Variants in FOXP4 observed in about 807,000 individuals in gnomAD.
The protein encoded by FOXP4 is forkhead box protein P4.
A neutral mutation model predicts 82.6 loss-of-function variants in FOXP4; 25 were observed. The ratio of observed to expected loss-of-function variants is 0.30; its 90% CI spans 0.22 to 0.42. The LOEUF (loss-of-function observed/expected upper bound fraction) is 0.42. FOXP4 is among the 10% of genes least tolerant of loss of function. FOXP4 has a pLI of 1.00. For missense variants in FOXP4, 785 were observed against 900.9 expected, an observed-to-expected ratio of 0.87 and a Z score of 1.65; for synonymous variants, 415 against 388.2, an observed-to-expected ratio of 1.07 and a Z score of -0.81.
chr6:41,570,314 G>A (rs1221276124), intron 2 of FOXP4: 1 of 471,160 alleles, frequency 2.1e-6, no homozygotes, highest in African/African-American at 2.0e-5. Context: ...CTCCAGAGGG[G>A]AGGCTTACGG....
chr6:41,597,769 G>C lies in FOXP4; in HGVS notation c.1726-12G>C, dbSNP rs757995132. ...GGAGCCACTGACGAGGCCCAACCCTGTGCCCCTGCAGGCCGCCCTGGCCGA... is the reference window on the plus strand; with the variant it reads ...GGAGCCACTGACGAGGCCCAACCCTCTGCCCCTGCAGGCCGCCCTGGCCGA... On this transcript the variant is annotated splice_polypyrimidine_tract_variant and intron_variant, in intron 15 of 16. Coordinates refer to ENST00000307972, the MANE Select transcript of FOXP4 (RefSeq NM_001012426.2). 3 of 1,604,720 alleles carry C rather than the reference G, an allele frequency of 1.9e-6. No homozygotes were observed. The highest frequency in any genetic ancestry group is 1.7e-6 in the Non-Finnish European group (2 of 1,178,842).
chr6:41,549,662 A>C (rs1019615600), intron 1 of FOXP4, among the ~76,000 whole-genome samples: 3 of 147,212 alleles, frequency 2.0e-5, no homozygotes, highest in Non-Finnish European at 3.0e-5. Context: ...GGGGTACCCA[A>C]GCAGTGAAGG....
intron 2 of FOXP4, among the ~76,000 whole-genome samples, chr6:41,575,159 G>C (rs554612559): frequency 6.6e-6 from 1 of 152,012 alleles, no homozygotes; most frequent in Non-Finnish European, 1.5e-5. Flanking sequence ...TAGTAGAGAC[G>C]GGGTTTCACC....
chr6:41,557,749 G>C (rs1013038155), intron 1 of FOXP4, among the ~76,000 whole-genome samples: 1 of 152,190 alleles, frequency 6.6e-6, no homozygotes, highest in Admixed American at 6.5e-5. Context: ...CAAAGGGCTA[G>C]ATCTCTGTAG....
chr6:41,597,107 A>C (rs1766888525), intron 14 of FOXP4, 69 bp from the exon 15 acceptor site: 1 of 1,513,342 alleles, frequency 6.6e-7, no homozygotes, highest in African/African-American at 1.4e-5. Context: ...TTACTTAGTG[A>C]GAGTAAAGAG....
At chr6:41,586,300 C>T (rs1766115138) in intron 5 of FOXP4, among the ~76,000 whole-genome samples, 1 of 152,102 alleles carries the variant, frequency 6.6e-6, no homozygotes, top group African/African-American at 2.4e-5. Flanking sequence ...CCACCCCCAG[C>T]AGGCAGGCAG....
intron 2 of FOXP4, among the ~76,000 whole-genome samples, 192 bp downstream of exon 2, chr6:41,566,156 C>T (rs1356332418): frequency 2.0e-5 from 3 of 152,200 alleles, no homozygotes; most frequent in Non-Finnish European, 2.9e-5. Flanking sequence ...TAGGCTACCA[C>T]AGCATTTTCA....
intron 1 of FOXP4, chr6:41,547,628 C>T (rs1194062288): frequency 1.3e-5 from 2 of 152,446 alleles, no homozygotes; most frequent in Non-Finnish European, 2.9e-5. Context: ...ATTTGTGCGC[C>T]GGAGGTGGAG....
chr6:41,570,964 C>G (rs1388475223), intron 2 of FOXP4, among the ~76,000 whole-genome samples: 1 of 152,134 alleles, frequency 6.6e-6, no homozygotes, highest in Non-Finnish European at 1.5e-5. Flanking sequence ...CACCACTGCC[C>G]CCACTCCAAC....
At chr6:41,573,421 T>G (rs1765308278) in intron 2 of FOXP4, among the ~76,000 whole-genome samples, 1 of 152,144 alleles carries the variant, frequency 6.6e-6, no homozygotes, top group African/African-American at 2.4e-5. Flanking sequence ...CTGGATGCCA[T>G]CCGTTATAAG....
At chr6:41,548,824 CTTT>C (rs11326650) in intron 1 of FOXP4, among the ~76,000 whole-genome samples, 7,220 of 106,028 alleles carry the variant, frequency 0.068, 243 homozygotes, top group African/African-American at 0.11. Flanking sequence ...GTCTGAAGGC[CTTT>C]TTTTTTTTTT....
chr6:41,588,420 A>G (rs1459918177), intron 8 of FOXP4, among the ~76,000 whole-genome samples: 1 of 152,226 alleles, frequency 6.6e-6, no homozygotes, highest in Admixed American at 6.5e-5. Flanking sequence ...TTCATTTGCA[A>G]TTAGATCTCT....
At chr6:41,598,765 G>A (rs1373321216) in intron 16 of FOXP4, 24 bp from the exon 17 acceptor site, 1 of 1,550,948 alleles carries the variant, frequency 6.4e-7, no homozygotes, top group Non-Finnish European at 8.7e-7. Flanking sequence ...GCCGCCTGGT[G>A]CCCATGCCAT....
intron 2 of FOXP4, 90 bp from the exon 3 acceptor site, chr6:41,577,896 T>A: frequency 1.1e-6 from 1 of 894,846 alleles, no homozygotes; most frequent in Non-Finnish European, 1.8e-6. Context: ...CTTACCCTGA[T>A]CTCCTTCTCC....
At chr6:41,578,368 G>A (rs1342511423) in intron 3 of FOXP4, among the ~76,000 whole-genome samples, 1 of 152,080 alleles carries the variant, frequency 6.6e-6, no homozygotes, top group African/African-American at 2.4e-5. Flanking sequence ...CTCACTGTTT[G>A]TTCTCCCCTG....
At chr6:41,551,099 C>T (rs1029515228) in intron 1 of FOXP4, among the ~76,000 whole-genome samples, 2 of 152,210 alleles carry the variant, frequency 1.3e-5, no homozygotes, top group African/African-American at 4.8e-5. Context: ...GGGATCACAG[C>T]GGGAACCCTC....
At chr6:41,554,725 T>C (rs568970332) in intron 1 of FOXP4, among the ~76,000 whole-genome samples, 35 of 152,214 alleles carry the variant, frequency 2.3e-4, no homozygotes, top group Admixed American at 3.3e-4. Context: ...CCGGGCGTGG[T>C]GGCAGGCACC....
chr6:41,595,133 G>A, intron 14 of FOXP4, 142 bp downstream of exon 14: 2 of 1,267,842 alleles, frequency 1.6e-6, no homozygotes, highest in Non-Finnish European at 2.2e-6. Flanking sequence ...AAGGAGCAGA[G>A]GAGACTAGTG....
At chr6:41,598,490 T>C (rs985992912) in intron 16 of FOXP4, among the ~76,000 whole-genome samples, 1 of 152,164 alleles carries the variant, frequency 6.6e-6, no homozygotes, top group Non-Finnish European at 1.5e-5. Context: ...AATGCTGGGA[T>C]TACATGTGTG....
Sources: gnomAD v4.1 joint callset for allele counts (sites outside exome capture counted in the v4.1 genomes callset) on GRCh38, gnomAD v4.1.1 for gene constraint, MANE v1.5 for transcripts, NCBI Gene and HGNC (gene_info 2026-07-23, HGNC 2026-07-21) for gene names.